The following BABAM2 variants were observed in gnomAD, a reference collection of about 807,000 sequenced individuals.
BABAM2 encodes the protein BRISC and BRCA1-A complex member 2.
A neutral mutation model predicts 54.7 loss-of-function variants in BABAM2; 31 were observed. The ratio of observed to expected loss-of-function variants is 0.57; its 90% CI spans 0.43 to 0.77. The LOEUF is 0.77. Ranked by LOEUF, BABAM2 falls within the 30% of genes least tolerant of loss-of-function variation. The probability of loss-of-function intolerance (pLI) is 0.00; values close to 1 mark genes in which losing one functional copy is unlikely to be tolerated. For missense variants in BABAM2, 364 were observed against 455.8 expected (o/e 0.80, Z 1.83); for synonymous variants, 167 against 162.9 (o/e 1.03, Z -0.19).
At chr2:28,067,192 A>T (rs1054689169) in intron 6 of BABAM2, among the ~76,000 whole-genome samples, 2 of 152,160 alleles carry the variant, frequency 1.3e-5, no homozygotes, top group Non-Finnish European at 2.9e-5. Flanking sequence ...TCTGCCTCCC[A>T]CAGTGCTGGG....
At chr2:28,282,673 A>C (rs1686462030) in intron 10 of BABAM2, among the ~76,000 whole-genome samples, 1 of 152,086 alleles carries the variant, frequency 6.6e-6, no homozygotes, top group South Asian at 2.1e-4. Context: ...GTATTCAATA[A>C]ATGCTGATTT....
chr2:28,180,594 CA>C, intron 7 of BABAM2, among the ~76,000 whole-genome samples: 1 of 151,938 alleles, frequency 6.6e-6, no homozygotes, highest in African/African-American at 2.4e-5. Flanking sequence ...GCACAGGTAG[CA>C]AAAACAAAAA....
intron 7 of BABAM2, among the ~76,000 whole-genome samples, chr2:28,198,175 T>C (rs1196406530): frequency 6.6e-6 from 1 of 151,994 alleles, no homozygotes; most frequent in Non-Finnish European, 1.5e-5. Context: ...TTTTTTTTTT[T>C]TTGAGACTGA....
chr2:28,255,838 G>A (rs1300376614), intron 10 of BABAM2, among the ~76,000 whole-genome samples: 1 of 151,962 alleles, frequency 6.6e-6, no homozygotes, highest in African/African-American at 2.4e-5. Flanking sequence ...GCTAATTTTT[G>A]TATTTTTTGT....
chr2:28,221,536 C>G, intron 7 of BABAM2, among the ~76,000 whole-genome samples: 1 of 152,008 alleles, frequency 6.6e-6, no homozygotes, highest in East Asian at 1.9e-4. Context: ...TTTTCCTATC[C>G]AATATATCAT....
At chr2:28,062,609 C>A (rs1678985495) in intron 6 of BABAM2, among the ~76,000 whole-genome samples, 1 of 151,776 alleles carries the variant, frequency 6.6e-6, no homozygotes, top group South Asian at 2.1e-4. Flanking sequence ...AGGATTGTTA[C>A]CTGCTTCATA....
At chr2:28,176,742 GA>G (rs1467775997) in intron 7 of BABAM2, among the ~76,000 whole-genome samples, 2 of 146,752 alleles carry the variant, frequency 1.4e-5, no homozygotes, top group Non-Finnish European at 3.0e-5. Flanking sequence ...TTCAATGAAT[GA>G]AATAAAATAT....
intron 7 of BABAM2, among the ~76,000 whole-genome samples, chr2:28,130,785 G>C (rs1285477510): frequency 6.6e-6 from 1 of 151,890 alleles, no homozygotes; most frequent in African/African-American, 2.4e-5. Flanking sequence ...TGTCATCCAG[G>C]CTGGAGTGCA....
At chr2:27,982,151 A>G (rs1478414513) in intron 3 of BABAM2, among the ~76,000 whole-genome samples, 1 of 152,104 alleles carries the variant, frequency 6.6e-6, no homozygotes, top group African/African-American at 2.4e-5. Context: ...ACATTTGTAT[A>G]TCTTCTTGGA....
chr2:28,262,742 A>G (rs942945486), intron 10 of BABAM2, among the ~76,000 whole-genome samples: 1 of 152,126 alleles, frequency 6.6e-6, no homozygotes, highest in African/African-American at 2.4e-5. Flanking sequence ...TTCACATAGA[A>G]CAAAGGTGTG....
intron 11 of BABAM2, among the ~76,000 whole-genome samples, chr2:28,318,991 T>G (rs1405168297): frequency 6.6e-6 from 1 of 152,152 alleles, no homozygotes; most frequent in South Asian, 2.1e-4. Context: ...AGCAATGGGA[T>G]GGAAAAGATT....
At chr2:27,985,213 A>G (rs1672319506) in intron 3 of BABAM2, among the ~76,000 whole-genome samples, 1 of 151,896 alleles carries the variant, frequency 6.6e-6, no homozygotes, top group Admixed American at 6.6e-5. Flanking sequence ...TTTTTTGTAT[A>G]ATGACTCCTT....
At chr2:28,250,751 C>T (rs903148456) in intron 10 of BABAM2, among the ~76,000 whole-genome samples, 19 of 152,006 alleles carry the variant, frequency 1.2e-4, no homozygotes, top group Admixed American at 1.2e-3. Context: ...AGGCATGTGC[C>T]ACCACTCCCG....
In BABAM2 at chr2:28,295,237, C is replaced by T. The variant is rs77484999; in HGVS notation, c.935-3101C>T. Among the ~76,000 whole-genome samples, 1,085 of 152,170 alleles carry T rather than the reference C, an allele frequency of 7.1e-3. 9 individuals carry two copies. The highest frequency in any genetic ancestry group is 0.025 in the African/African-American group (1,029 of 41,512). On this transcript the variant is annotated intron_variant, in intron 10 of 11. Transcript: ENST00000379624. ...CGAAAATAGAAGGCATTCCAAAACC[C>T]GAAAAAGCCAGTAGCTTGAAAATCA...
chr2:28,092,317 C>T (rs906207452), intron 6 of BABAM2, among the ~76,000 whole-genome samples: 15 of 152,066 alleles, frequency 9.9e-5, no homozygotes, highest in Admixed American at 7.2e-4. Context: ...TGTACAAGAT[C>T]TAATGAAATA....
chr2:27,908,593 C>T (rs1666356824), intron 2 of BABAM2, among the ~76,000 whole-genome samples: 1 of 152,108 alleles, frequency 6.6e-6, no homozygotes, highest in South Asian at 2.1e-4. Flanking sequence ...TTTTTCAACC[C>T]TTGGCTCCCT....
chr2:28,188,860 G>A (rs756184197), intron 7 of BABAM2, among the ~76,000 whole-genome samples: 18 of 152,132 alleles, frequency 1.2e-4, no homozygotes, highest in Non-Finnish European at 2.1e-4. Flanking sequence ...ACACAGACTA[G>A]TTTCAAAGTT....
In BABAM2 at chr2:28,170,708, G is replaced by C. The variant is rs190383731; in HGVS notation, c.680+41328G>C. Among the ~76,000 whole-genome samples the C allele has an allele frequency of 8.5e-5, 13 of 152,272 alleles. No homozygotes were observed. In the South Asian group the frequency reaches 1.2e-3, roughly 15 times the overall value. ...TATAAAAGGAATAGCTGTAAAGGGG[G>C]ATTAGAGGGCTTTTTGTTGTTATTA... On this transcript the variant is annotated intron_variant, in intron 7 of 11. Coordinates refer to ENST00000379624, the MANE Select transcript of BABAM2 (RefSeq NM_199191.3).
chr2:28,192,395 C>G lies in BABAM2; in HGVS notation c.681-44807C>G, dbSNP rs61586483. The stretch of plus-strand genomic sequence containing the variant: ...CACCAACATGGCACATTTATACATA[C>G]GTAAAAAACCTGCACGTTGTGCACA... On this transcript the variant is annotated intron_variant, in intron 7 of 11. Transcript: ENST00000379624. 6.7e-4 allele frequency among the ~76,000 whole-genome samples: 101 copies of G among 150,956 alleles called. 1 individual carries two copies. Among genetic ancestry groups the G allele is most frequent in the African/African-American group, 2.3e-3 (96 of 41,068 alleles).
Sources: allele counts gnomAD v4.1 joint callset (sites outside exome capture counted in the v4.1 genomes callset), GRCh38; gene constraint gnomAD v4.1.1; transcripts MANE v1.5; gene names NCBI Gene and HGNC (gene_info 2026-07-23, HGNC 2026-07-21).